ZNF503: variants seen among roughly 807,000 people sequenced by gnomAD.
ZNF503 encodes NocA-like zinc finger 2.
In ZNF503, 15 loss-of-function variants were observed where a neutral mutation model predicts 34.4. The ratio of observed to expected loss-of-function variants is 0.44; its 90% confidence interval spans 0.29 to 0.67. The LOEUF (loss-of-function observed/expected upper bound fraction) is 0.67, where lower values mean the gene tolerates loss of function less well. Ranked by LOEUF, ZNF503 falls within the 30% of genes least tolerant of loss-of-function variation. The pLI is 0.13. For synonymous variants in ZNF503, 580 were observed against 456.8 expected (o/e 1.27, Z -3.44); for missense variants, 1,007 against 926.8 (o/e 1.09, Z -1.12).
At chr10:75,320,427 G>A in the ZNF503 span, among the ~76,000 whole-genome samples, 3 of 152,132 alleles carry the variant, frequency 2.0e-5, no homozygotes, top group East Asian at 5.8e-4. Flanking sequence ...GTTGCAGTGA[G>A]CCGAGATCGC....
At chr10:75,353,312 C>T in the ZNF503 span, among the ~76,000 whole-genome samples, 391 of 152,322 alleles carry the variant, frequency 2.6e-3, 4 homozygotes, top group African/African-American at 9.0e-3. Flanking sequence ...CACCCAGGCT[C>T]TCACTCATCC....
At chr10:75,386,162 C>T in the ZNF503 span, among the ~76,000 whole-genome samples, 5 of 152,212 alleles carry the variant, frequency 3.3e-5, no homozygotes, top group Admixed American at 6.5e-5. Flanking sequence ...CTGGGTGTAG[C>T]CACGTGACTA....
Position 75,400,042 on chromosome 10 carries a change from G to T in ZNF503, c.648C>A (p.Ser216Arg). The T allele has an allele frequency of 6.3e-7, 1 of 1,595,960 alleles. No individual in the cohort carries two copies. Among genetic ancestry groups the T allele is most frequent in the Non-Finnish European group, 8.5e-7 (1 of 1,174,758 alleles). ...SSEKSGFRVP[S>R]ATCQPFTPRT... ...TGGGCGTGAATGGCTGGCAGGTGGCGCTCGGTACCCGGAATCCCGACTTCT... is the reference window on the plus strand; with the variant it reads ...TGGGCGTGAATGGCTGGCAGGTGGCTCTCGGTACCCGGAATCCCGACTTCT... The change falls in exon 2 of 2, where the codon AGC becomes AGA. Residue 216 changes from serine (S) to arginine (R), a missense_variant. Ser to Arg is a moderately radical substitution (Grantham distance 110, BLOSUM62 -1). Coordinates refer to ENST00000372524, the MANE Select transcript of ZNF503 (RefSeq NM_032772.6).
At chr10:75,375,335 A>G in the ZNF503 span, among the ~76,000 whole-genome samples, 6 of 151,646 alleles carry the variant, frequency 4.0e-5, no homozygotes, top group Non-Finnish European at 2.9e-5. Context: ...GTTAGCCAGG[A>G]TGGTCTTGAT....
chr10:75,399,291 G>A lies in ZNF503; in HGVS notation c.1399C>T (p.Pro467Ser), dbSNP rs908564407. 1.2e-6 allele frequency: 2 copies of A among 1,601,920 alleles called. No individual in the cohort carries two copies. The highest frequency in any genetic ancestry group is 1.3e-5 in the African/African-American group (1 of 74,806). ...AGCGGGTGCGTGGGGTACACCAGCG[G>A]GTATCCGGACTTCAGCGCCGCAGCC... ...AAAAALKSGY[P>S]LVYPTHPLHG... Residue 467 changes from proline (P) to serine (S), a missense_variant, in exon 2 of 2, where the codon CCG becomes TCG. Physicochemically the swap from Pro to Ser is moderately conservative, Grantham distance 74. Transcript: ENST00000372524.
the ZNF503 span, among the ~76,000 whole-genome samples, chr10:75,380,667 T>C: frequency 1.3e-5 from 2 of 152,216 alleles, no homozygotes; most frequent in East Asian, 3.9e-4. Flanking sequence ...AACTGCTTCC[T>C]CGAGATTCCG....
chr10:75,341,225 G>T, the ZNF503 span, among the ~76,000 whole-genome samples: 1 of 152,172 alleles, frequency 6.6e-6, no homozygotes, highest in Admixed American at 6.5e-5. Context: ...TTTTAAAGTT[G>T]TAAAGAGACT....
chr10:75,340,405 C>G, the ZNF503 span, among the ~76,000 whole-genome samples: 2 of 152,182 alleles, frequency 1.3e-5, no homozygotes, highest in African/African-American at 4.8e-5. Context: ...AATTCCACTT[C>G]TAGGAATGTG....
the ZNF503 span, among the ~76,000 whole-genome samples, chr10:75,353,417 G>A: frequency 6.6e-6 from 1 of 152,204 alleles, no homozygotes; most frequent in African/African-American, 2.4e-5. Flanking sequence ...GCAGCTGCTT[G>A]TGTCCTCTGC....
the ZNF503 span, among the ~76,000 whole-genome samples, chr10:75,351,635 C>G: frequency 6.6e-6 from 1 of 152,206 alleles, no homozygotes; most frequent in Admixed American, 6.5e-5. Context: ...TTTGGCCTCT[C>G]CAAATCTTTC....
chr10:75,317,950 C>T, the ZNF503 span, among the ~76,000 whole-genome samples: 1 of 151,888 alleles, frequency 6.6e-6, no homozygotes, highest in African/African-American at 2.4e-5. Flanking sequence ...GAGCTGAGAT[C>T]ACACCACTAC....
chr10:75,401,325 C>T lies in ZNF503; in HGVS notation c.95G>A (p.Trp32Ter). 2 of 1,505,596 alleles carry T rather than the reference C, an allele frequency of 1.3e-6. No individual in the cohort carries two copies. Among genetic ancestry groups the T allele is most frequent in the Non-Finnish European group, 1.8e-6 (2 of 1,113,532 alleles). 93.3% of individuals were successfully genotyped at this position (1,505,596 alleles called of 1,614,324 possible). A position where few individuals can be genotyped will look rare whatever the true frequency, so the allele number is the denominator to read the frequency against. Residue 32 changes from tryptophan to a stop codon, truncating the protein, a stop_gained, in exon 1 of 2, where the codon TGG becomes TAG. Transcript: ENST00000372524. LOFTEE classifies it high-confidence loss of function. ...GGGGGGADPA[W>*]TSALSGNSSG... ...GCTATTTCCAGAGAGCGCGCTGGTC[C>T]AGGCAGGGTCTGCACCGCCGCCTCC...
chr10:75,362,409 A>C, the ZNF503 span, among the ~76,000 whole-genome samples: 1 of 151,940 alleles, frequency 6.6e-6, no homozygotes, highest in African/African-American at 2.4e-5. Flanking sequence ...TGAAGGCTTG[A>C]CCATTTCTGG....
rs749287676 is a variant in ZNF503 at position 75,398,755 on chromosome 10, A to G, written c.1935T>C (p.Tyr645=). 5 of 1,387,172 alleles carry G rather than the reference A, an allele frequency of 3.6e-6. No individual in the cohort carries two copies. 85.9% of individuals were successfully genotyped at this position (1,387,172 alleles called of 1,614,324 possible). Residue 645 remains tyrosine, a synonymous_variant, in exon 2 of 2, where the codon TAT becomes TAC. Transcript: ENST00000372524. ...QRLTTASALG[Y]Q is the part of the protein sequence containing the mutation. ...CTCGCCCTCCCGGCCGCCCTCACTG[A>G]TACCCCAGCGCCGAGGCGGTGGTCA...
the ZNF503 span, among the ~76,000 whole-genome samples, chr10:75,294,265 T>C: frequency 2.6e-5 from 4 of 152,092 alleles, no homozygotes; most frequent in Non-Finnish European, 5.9e-5. Context: ...CAGATCTCAG[T>C]CAGATAAATC....
Position 75,399,431 on chromosome 10 carries a change from G to A in ZNF503, c.1259C>T (p.Ser420Phe), listed in dbSNP as rs1368974061. 1 of 1,597,050 alleles carries A rather than the reference G, an allele frequency of 6.3e-7. No individual in the cohort carries two copies. The highest frequency in any genetic ancestry group is 8.5e-7 in the Non-Finnish European group (1 of 1,176,250). ...CCGGCACAAACTGGCTGTCATCACG[G>A]ACGGCGGAGACGCTCCGGCCAAAGG... ...SSPLAGASPP[S>F]VMTASLCRDP... Residue 420 changes from serine to phenylalanine, a missense_variant, in exon 2 of 2, where the codon TCC becomes TTC. Coordinates refer to ENST00000372524, the MANE Select transcript of ZNF503 (RefSeq NM_032772.6).
At chr10:75,383,982 C>T in the ZNF503 span, among the ~76,000 whole-genome samples, 1 of 152,206 alleles carries the variant, frequency 6.6e-6, no homozygotes, top group African/African-American at 2.4e-5. Flanking sequence ...AGTCATCAGT[C>T]CATTCTTCAA....
chr10:75,344,513 C>A, the ZNF503 span, among the ~76,000 whole-genome samples: 1 of 152,158 alleles, frequency 6.6e-6, no homozygotes, highest in Non-Finnish European at 1.5e-5. Flanking sequence ...CCCCTTCTTG[C>A]CCTTTCTCCT....
the ZNF503 span, among the ~76,000 whole-genome samples, chr10:75,284,449 G>A: frequency 1.8e-4 from 28 of 152,072 alleles, no homozygotes; most frequent in African/African-American, 6.5e-4. Flanking sequence ...GGACTGGAGG[G>A]CGATGGGGAA....
Sources: gnomAD v4.1 joint callset for allele counts (sites outside exome capture counted in the v4.1 genomes callset) on GRCh38, gnomAD v4.1.1 for gene constraint, MANE v1.5 for transcripts, NCBI Gene and HGNC (gene_info 2026-07-23, HGNC 2026-07-21) for gene names.